TRAK1: variants seen among roughly 807,000 people sequenced by gnomAD.
The protein encoded by TRAK1 is trafficking kinesin protein 1.
TRAK1 carries 33 observed loss-of-function variants against 92.1 expected under a neutral mutation model. The observed-to-expected ratio is 0.36, with a 90% confidence interval of 0.27 to 0.48. The LOEUF is 0.48. TRAK1 is among the 20% of genes least tolerant of loss of function. TRAK1 has a pLI of 0.99. For missense variants in TRAK1, 1,123 were observed against 1,257.9 expected, an observed-to-expected ratio of 0.89 and a Z score of 1.62; for synonymous variants, 521 against 517.3, an observed-to-expected ratio of 1.01 and a Z score of -0.10.
At chr3:42,131,099 C>A (rs1420208663) in intron 2 of TRAK1, among the ~76,000 whole-genome samples, 1 of 152,138 alleles carries the variant, frequency 6.6e-6, no homozygotes, top group Non-Finnish European at 1.5e-5. Context: ...GGGCTCATCC[C>A]AGGAGAGTGG....
At chr3:42,014,009 A>G (rs1701409965) in exon 1 of TRAK1, 1 of 149,356 alleles carries the variant, frequency 6.7e-6, no homozygotes. Context: ...GAGGGAACCG[A>G]AGCCGCCGGG....
At position 42,187,236 on chromosome 3, in the gene TRAK1, G is replaced by A. The variant is rs141900703; in HGVS notation, c.481-809G>A. Among the ~76,000 whole-genome samples the A allele has an allele frequency of 6.4e-3, 969 of 152,268 alleles. 9 individuals carry two copies. Among genetic ancestry groups the A allele is most frequent in the Non-Finnish European group, 7.6e-3 (515 of 68,028 alleles). On this transcript the variant is annotated intron_variant, in intron 4 of 15. Transcript: ENST00000327628. Reference sequence around the variant, plus strand: ...GCCTTGTGAGGGTGCATCACAGAATGGGGCTGTGTGGTCATCCAAGTGTGA... The same window carrying A: ...GCCTTGTGAGGGTGCATCACAGAATAGGGCTGTGTGGTCATCCAAGTGTGA...
At chr3:42,186,790 A>C (rs1704924679) in intron 4 of TRAK1, among the ~76,000 whole-genome samples, 2 of 152,190 alleles carry the variant, frequency 1.3e-5, no homozygotes, top group Admixed American at 1.3e-4. Context: ...AAAGCTATGA[A>C]TGTTTCCCTT....
At chr3:42,082,381 T>C (rs1339871788), upstream of TRAK1, among the ~76,000 whole-genome samples, 1 of 152,100 alleles carries the variant, frequency 6.6e-6, no homozygotes, top group Admixed American at 6.6e-5. Context: ...GGTGGATCAC[T>C]TGAGGCCAGG....
chr3:42,174,887 G>C (rs1050094023), intron 2 of TRAK1, among the ~76,000 whole-genome samples: 4 of 150,862 alleles, frequency 2.7e-5, no homozygotes, highest in African/African-American at 9.8e-5. Context: ...TATTTCTTCT[G>C]TCTGCTTGTG....
intron 1 of TRAK1, among the ~76,000 whole-genome samples, chr3:42,111,906 C>A (rs2149076339): frequency 6.7e-6 from 1 of 149,552 alleles, no homozygotes; most frequent in South Asian, 2.1e-4. Flanking sequence ...ATGCTGTGGG[C>A]TGACATCTTC....
chr3:42,097,613 C>T (rs569567138), intron 1 of TRAK1, among the ~76,000 whole-genome samples: 2 of 152,340 alleles, frequency 1.3e-5, no homozygotes, highest in East Asian at 1.9e-4. Flanking sequence ...ACTTTTAGCT[C>T]ATGGAGTGAT....
At chr3:42,221,712 C>T (rs1710370039) in intron 15 of TRAK1, 1 of 152,194 alleles carries the variant, frequency 6.6e-6, no homozygotes, top group South Asian at 2.1e-4. Context: ...AGGGCATGTC[C>T]CACGAGACTG....
intron 2 of TRAK1, among the ~76,000 whole-genome samples, chr3:42,143,308 C>CTTTCTT (rs1553732428): frequency 7.2e-6 from 1 of 139,260 alleles, no homozygotes; most frequent in Admixed American, 7.1e-5. Context: ...TGTACCTCTT[C>CTTTCTT]TTTTTTTTTT....
intron 1 of TRAK1, among the ~76,000 whole-genome samples, chr3:42,029,871 C>A (rs969472599): frequency 6.6e-6 from 1 of 152,018 alleles, no homozygotes; most frequent in Non-Finnish European, 1.5e-5. Flanking sequence ...TTAAATGAAA[C>A]CCCAGCTTCT....
chr3:42,118,940 C>T (rs1317360356), intron 1 of TRAK1, among the ~76,000 whole-genome samples: 1 of 152,132 alleles, frequency 6.6e-6, no homozygotes, highest in African/African-American at 2.4e-5. Context: ...TTGAAAAGAC[C>T]TTGACACTAG....
At chr3:42,160,417 A>G in intron 2 of TRAK1, 1 of 1,614,256 alleles carries the variant, frequency 6.2e-7, no homozygotes, top group South Asian at 1.1e-5. Flanking sequence ...GACTGCCAGG[A>G]TGAAGAGAGG....
rs1219104239 is a variant in TRAK1, at chr3:42,131,901, TTAA to T, written c.286+6288_286+6290del. ...GATGAAACCCCATCTCTACAAAAAA[TTAA>T]AAAAAAAAAAAAAAAAAGCTGGGTG... On this transcript the variant is annotated intron_variant, in intron 2 of 15. Transcript: ENST00000327628. Among the ~76,000 whole-genome samples the T allele has an allele frequency of 5.0e-3, 346 of 69,602 alleles. 1 individual carries two copies. The highest frequency in any genetic ancestry group is 0.023 in the African/African-American group (332 of 14,476). 45.7% of individuals were successfully genotyped at this position (69,602 alleles called of 152,430 possible).
chr3:42,146,950 G>A (rs1274130293), intron 2 of TRAK1, among the ~76,000 whole-genome samples: 1 of 152,180 alleles, frequency 6.6e-6, no homozygotes, highest in Non-Finnish European at 1.5e-5. Context: ...TTTTTTAGGA[G>A]TTTGTTGTTA....
chr3:42,188,321 C>T (rs192079383), intron 5 of TRAK1, among the ~76,000 whole-genome samples, 176 bp downstream of exon 5: 174 of 152,314 alleles, frequency 1.1e-3, no homozygotes, highest in Middle Eastern at 3.4e-3. Flanking sequence ...ACTATTTTAG[C>T]GGGATATGGA....
intron 10 of TRAK1, among the ~76,000 whole-genome samples, chr3:42,198,581 C>T (rs1057296333): frequency 1.3e-5 from 2 of 152,102 alleles, no homozygotes; most frequent in African/African-American, 2.4e-5. Context: ...ACTCACGTCA[C>T]GTCTGTAGAG....
Position 42,132,238 on chromosome 3 carries a change from T to C in TRAK1, c.286+6624T>C, listed in dbSNP as rs1459126270. Among the ~76,000 whole-genome samples, 17 of 110,522 alleles carry C rather than the reference T, an allele frequency of 1.5e-4. No homozygotes were observed. In the East Asian group the frequency reaches 4.6e-3, roughly 30 times the overall value. 72.5% of individuals were successfully genotyped at this position (110,522 alleles called of 152,430 possible). On this transcript the variant is annotated intron_variant, in intron 2 of 15. Transcript: ENST00000327628. ...ACTTGTATTACTTGTAAATGCTATG[T>C]TTTTTGTTTTTTTTTTTTTGTTTGG...
In TRAK1 at chr3:42,040,282, A is replaced by G. The variant is rs187596781; in HGVS notation, c.-519+26165A>G. Among the ~76,000 whole-genome samples, 106 of 152,278 alleles carry G rather than the reference A, an allele frequency of 7.0e-4. 1 individual carries two copies. In the East Asian group the frequency reaches 0.019, roughly 27 times the overall value. ...TACCTTAAGGTCACCAAGAGTTGCT[A>G]CTATTTATTTATTAATTAATTGATT... On this transcript the variant is annotated intron_variant, in intron 1 of 16. Transcript: ENST00000487159.
chr3:42,035,541 C>T (rs917764537), intron 1 of TRAK1, among the ~76,000 whole-genome samples: 1 of 152,224 alleles, frequency 6.6e-6, no homozygotes, highest in African/African-American at 2.4e-5. Flanking sequence ...GCACCGCTGT[C>T]CTCAGCTGCT....
Sources: allele counts gnomAD v4.1 joint callset (sites outside exome capture counted in the v4.1 genomes callset), GRCh38; gene constraint gnomAD v4.1.1; transcripts MANE v1.5; gene names NCBI Gene and HGNC (gene_info 2026-07-23, HGNC 2026-07-21).